Variants in NFIB observed in about 807,000 individuals in gnomAD.
NFIB encodes the protein nuclear factor 1 B-type.
Under a neutral mutation model 61.5 loss-of-function variants are expected in NFIB, and 11 were observed. That is an observed-to-expected ratio of 0.18 (90% CI 0.11 to 0.30). The LOEUF is 0.30. Among genes scored for constraint, NFIB ranks in the 10% least tolerant of loss-of-function variants. The pLI, the probability that NFIB is intolerant of heterozygous loss-of-function variation, is 1.00. For synonymous variants in NFIB, 260 were observed against 216.5 expected (o/e 1.20, Z -1.76); for missense variants, 471 against 608.9 (o/e 0.77, Z 2.38).
intron 2 of NFIB, among the ~76,000 whole-genome samples, chr9:14,252,703 T>C (rs1222387147): frequency 1.3e-5 from 2 of 152,278 alleles, no homozygotes; most frequent in East Asian, 3.9e-4. Context: ...TGGGGAAACC[T>C]CTAAGCAAAG....
At chr9:14,402,051 A>G (rs1335517804), upstream of NFIB, among the ~76,000 whole-genome samples, 1 of 152,232 alleles carries the variant, frequency 6.6e-6, no homozygotes, top group East Asian at 1.9e-4. Context: ...TACAAGGCAT[A>G]TGGAAAAATT....
At chr9:14,116,584 T>C (rs2038179682) in intron 8 of NFIB, among the ~76,000 whole-genome samples, 1 of 152,248 alleles carries the variant, frequency 6.6e-6, no homozygotes. Context: ...AATTCCTCTT[T>C]ACAGCACCCC....
At chr9:14,187,031 G>GTATA (rs1563879402) in intron 2 of NFIB, among the ~76,000 whole-genome samples, 9 of 82,696 alleles carry the variant, frequency 1.1e-4, no homozygotes, top group East Asian at 2.6e-4. Context: ...GTGTGTATGT[G>GTATA]TGTGTGTGTG....
chr9:14,430,328 T>A, the NFIB span, among the ~76,000 whole-genome samples: 1 of 151,794 alleles, frequency 6.6e-6, no homozygotes, highest in East Asian at 1.9e-4. Flanking sequence ...AATTAAGACT[T>A]CTTCTTGCCA....
At position 14,321,959 on chromosome 9, in the gene NFIB, T is replaced by A. The variant is rs1404652334; in HGVS notation, c.109-14439A>T. The A allele has an allele frequency of 2.4e-6, 3 of 1,231,172 alleles. No individual in the cohort carries two copies. In the African/African-American group the frequency reaches 4.7e-5, roughly 19 times the overall value. The allele number at this position is 1,231,172 out of a possible 1,614,324, so 76.3% of individuals were successfully genotyped here. A position where few individuals can be genotyped will look rare whatever the true frequency, so the allele number is the denominator to read the frequency against. On this transcript the variant is annotated intron_variant, in intron 1 of 8. Coordinates refer to the NFIB transcript ENST00000380934. ...CACATACCATCGCACTGTATTGCAT[T>A]AAATAAAAGAGATCTTGAGTCTGTA...
intron 1 of NFIB, among the ~76,000 whole-genome samples, chr9:14,336,984 A>G (rs1302589265): frequency 6.6e-6 from 1 of 152,220 alleles, no homozygotes; most frequent in East Asian, 1.9e-4. Context: ...ATATATGGAT[A>G]CTGAAATTTG....
At chr9:14,412,260 A>G in the NFIB span, among the ~76,000 whole-genome samples, 1 of 152,190 alleles carries the variant, frequency 6.6e-6, no homozygotes, top group Non-Finnish European at 1.5e-5. Context: ...CTGAATGGCA[A>G]TCACTCATCC....
rs561081643 is a variant in NFIB, at chr9:14,111,350, G to C, written c.1467+1649C>G. ...ATTAAAGCTGCCATAGGTTAGGGTA[G>C]TGGAGGAGGAAGGCTGCCTCCAAAT... On this transcript the variant is annotated intron_variant, in intron 10 of 10. Transcript: ENST00000380953. 1.4e-4 allele frequency among the ~76,000 whole-genome samples: 21 copies of C among 152,332 alleles called. 1 individual carries two copies. Among genetic ancestry groups the C allele is most frequent in the African/African-American group, 3.4e-4 (14 of 41,590 alleles).
the NFIB span, among the ~76,000 whole-genome samples, chr9:14,474,239 A>T: frequency 5.3e-5 from 8 of 152,294 alleles, no homozygotes; most frequent in African/African-American, 1.9e-4. Flanking sequence ...GTCCTAGATC[A>T]AAGTGCTGGC....
chr9:14,515,980 C>A, the NFIB span, among the ~76,000 whole-genome samples: 1 of 152,246 alleles, frequency 6.6e-6, no homozygotes, highest in African/African-American at 2.4e-5. Flanking sequence ...GCTGGCTTCC[C>A]TCCAGGGGAG....
At chr9:14,092,615 G>A (rs1424555621) in intron 10 of NFIB, among the ~76,000 whole-genome samples, 1 of 152,078 alleles carries the variant, frequency 6.6e-6, no homozygotes, top group African/African-American at 2.4e-5. Flanking sequence ...GGCTTCAGGA[G>A]ACAGTGAACT....
intron 6 of NFIB, among the ~76,000 whole-genome samples, chr9:14,133,971 T>C (rs893677854): frequency 7.2e-5 from 11 of 152,178 alleles, no homozygotes; most frequent in Admixed American, 2.6e-4. Flanking sequence ...CTTGAAAGCT[T>C]TGTACAATCC....
intron 2 of NFIB, among the ~76,000 whole-genome samples, chr9:14,240,641 T>C (rs779959070): frequency 2.6e-5 from 4 of 152,172 alleles, no homozygotes; most frequent in South Asian, 2.1e-4. Context: ...AAGCAAAGTA[T>C]AGTAACAGCC....
chr9:14,289,034 ATATAT>A (rs777392816), intron 2 of NFIB, among the ~76,000 whole-genome samples: 16 of 150,948 alleles, frequency 1.1e-4, no homozygotes, highest in Admixed American at 4.6e-4. Flanking sequence ...TATACCACAT[ATATAT>A]TATATCTTGT....
In NFIB at chr9:14,313,141, G is replaced by T. The variant is rs1162612904; in HGVS notation, c.30+341C>A. Reference sequence around the variant, plus strand: ...CGCGCGAGCTGCTGAGAGGGGCTACGGGCACCCCGGGCGGGGATGCCGCAC... The same window carrying T: ...CGCGCGAGCTGCTGAGAGGGGCTACTGGCACCCCGGGCGGGGATGCCGCAC... On this transcript the variant is annotated intron_variant, in intron 1 of 10. Transcript: ENST00000380953. The surrounding 1 kb of genome is among the most constrained non-coding windows in gnomAD (Gnocchi z 4.5). Among the ~76,000 whole-genome samples, 12 of 152,194 alleles carry T rather than the reference G, an allele frequency of 7.9e-5. No individual in the cohort carries two copies. The highest frequency in any genetic ancestry group is 7.9e-4 in the Admixed American group (12 of 15,282).
chr9:14,241,643 G>A (rs1486057309), intron 2 of NFIB, among the ~76,000 whole-genome samples: 1 of 151,988 alleles, frequency 6.6e-6, no homozygotes, highest in Non-Finnish European at 1.5e-5. Context: ...ACTCTGAAAT[G>A]TAGATACATA....
At chr9:14,278,126 G>C (rs755647220) in intron 2 of NFIB, among the ~76,000 whole-genome samples, 4 of 152,160 alleles carry the variant, frequency 2.6e-5, no homozygotes, top group Non-Finnish European at 4.4e-5. Flanking sequence ...CTGATGACCA[G>C]TATGTCTTTC....
At chr9:14,308,819 G>A (rs1341590583) in intron 1 of NFIB, among the ~76,000 whole-genome samples, 2 of 152,130 alleles carry the variant, frequency 1.3e-5, no homozygotes, top group African/African-American at 2.4e-5. Flanking sequence ...TTTTAAGGGA[G>A]GGGATCAGTG....
At chr9:14,109,428 C>G (rs1271345175) in intron 10 of NFIB, among the ~76,000 whole-genome samples, 2 of 151,984 alleles carry the variant, frequency 1.3e-5, no homozygotes, top group African/African-American at 4.8e-5. Context: ...TTCCACATTT[C>G]TGAAAATGTT....
Sources: allele counts gnomAD v4.1 joint callset (sites outside exome capture counted in the v4.1 genomes callset), GRCh38; gene constraint gnomAD v4.1.1; non-coding constraint Gnocchi (gnomAD v3.1); transcripts MANE v1.5; gene names NCBI Gene and HGNC (gene_info 2026-07-23, HGNC 2026-07-21).